Variants in PRKACB observed in about 807,000 individuals in gnomAD.
PRKACB encodes the protein protein kinase cAMP-activated catalytic subunit beta.
In PRKACB, 16 loss-of-function variants were observed where a neutral mutation model predicts 51.4. The ratio of observed to expected loss-of-function variants is 0.31; its 90% CI spans 0.21 to 0.47. PRKACB has a LOEUF of 0.47. Among genes scored for constraint, PRKACB ranks in the 20% least tolerant of loss-of-function variants. The pLI is 1.00. For synonymous variants in PRKACB, 147 were observed against 154.4 expected, an observed-to-expected ratio of 0.95 and a Z score of 0.35; for missense variants, 309 against 464.5, an observed-to-expected ratio of 0.67 and a Z score of 3.08.
chr1:84,166,823 T>G (rs531481273), intron 1 of PRKACB, among the ~76,000 whole-genome samples: 1 of 151,794 alleles, frequency 6.6e-6, no homozygotes, highest in Non-Finnish European at 1.5e-5. Flanking sequence ...TCTCTGAGAA[T>G]CTATCTTTTG....
intron 2 of PRKACB, among the ~76,000 whole-genome samples, chr1:84,180,046 CAAAAA>C (rs761445098): frequency 2.0e-5 from 1 of 51,034 alleles, no homozygotes; most frequent in Non-Finnish European, 4.4e-5. Context: ...ACATAAAGAC[CAAAAA>C]AAAAAAAAAA....
intron 1 of PRKACB, chr1:84,085,839 G>C: frequency 2.1e-6 from 1 of 478,730 alleles, no homozygotes; most frequent in Non-Finnish European, 3.9e-6. Context: ...GAGCCCTGCA[G>C]ACCCCACAGT....
intron 7 of PRKACB, among the ~76,000 whole-genome samples, chr1:84,200,476 T>G (rs1669790558): frequency 6.6e-6 from 1 of 152,226 alleles, no homozygotes; most frequent in African/African-American, 2.4e-5. Context: ...GTGCAGAATC[T>G]CTTCAGTTTA....
At chr1:84,092,564 A>G (rs1156358588) in intron 1 of PRKACB, among the ~76,000 whole-genome samples, 2 of 152,152 alleles carry the variant, frequency 1.3e-5, no homozygotes, top group African/African-American at 4.8e-5. Context: ...ATACATGCAT[A>G]TATACATGCA....
chr1:84,228,576 C>A (rs1308568479), intron 9 of PRKACB, among the ~76,000 whole-genome samples: 1 of 151,160 alleles, frequency 6.6e-6, no homozygotes, highest in East Asian at 1.9e-4. Flanking sequence ...CACATTTAAT[C>A]TTTATAGAAG....
At chr1:84,159,229 G>C (rs914630504) in intron 1 of PRKACB, among the ~76,000 whole-genome samples, 1 of 152,032 alleles carries the variant, frequency 6.6e-6, no homozygotes, top group African/African-American at 2.4e-5. Flanking sequence ...TTAACTTGTA[G>C]AGAATTGTTA....
chr1:84,150,167 A>G (rs965889848), intron 1 of PRKACB, among the ~76,000 whole-genome samples: 4 of 152,004 alleles, frequency 2.6e-5, no homozygotes, highest in Non-Finnish European at 5.9e-5. Context: ...AATCCCAGCT[A>G]CTTGGGAGGC....
intron 1 of PRKACB, among the ~76,000 whole-genome samples, chr1:84,162,193 C>A (rs1656278324): frequency 6.6e-6 from 1 of 152,010 alleles, no homozygotes; most frequent in African/African-American, 2.4e-5. Context: ...CGTGATTCAT[C>A]ATTTTTCTCT....
chr1:84,145,887 G>A (rs1278110902), intron 1 of PRKACB, among the ~76,000 whole-genome samples: 1 of 151,934 alleles, frequency 6.6e-6, no homozygotes, highest in Non-Finnish European at 1.5e-5. Flanking sequence ...TTAATTTAAA[G>A]TTAAATGAGG....
At chr1:84,098,455 C>G (rs1456809843) in intron 1 of PRKACB, among the ~76,000 whole-genome samples, 10 of 151,992 alleles carry the variant, frequency 6.6e-5, no homozygotes, top group Non-Finnish European at 1.5e-5. Flanking sequence ...GACCTATTAT[C>G]TTTGTCACAT....
intron 1 of PRKACB, among the ~76,000 whole-genome samples, chr1:84,113,719 A>G (rs1445485535): frequency 6.6e-6 from 1 of 152,304 alleles, no homozygotes; most frequent in East Asian, 1.9e-4. Context: ...CCGCAAAAAC[A>G]TGCTAATGAA....
chr1:84,088,221 C>G (rs976705102), intron 1 of PRKACB, among the ~76,000 whole-genome samples: 1 of 152,108 alleles, frequency 6.6e-6, no homozygotes, highest in Non-Finnish European at 1.5e-5. Flanking sequence ...GCTCTATGGC[C>G]ATAGTTTAAT....
At chr1:84,199,395 C>T (rs1669395698) in intron 7 of PRKACB, among the ~76,000 whole-genome samples, 1 of 152,044 alleles carries the variant, frequency 6.6e-6, no homozygotes, top group Admixed American at 6.6e-5. Flanking sequence ...CAAGTGAAAA[C>T]ATGTGGTATT....
intron 1 of PRKACB, among the ~76,000 whole-genome samples, chr1:84,123,430 A>C (rs61766954): frequency 0.03 from 4,511 of 152,256 alleles, 100 homozygotes; most frequent in Non-Finnish European, 0.04. Context: ...CACTTACTAG[A>C]GTTCTAAAAT....
At chr1:84,127,486 A>G (rs1651724759) in intron 1 of PRKACB, among the ~76,000 whole-genome samples, 1 of 152,250 alleles carries the variant, frequency 6.6e-6, no homozygotes, top group Non-Finnish European at 1.5e-5. Flanking sequence ...GAAAAGAAGT[A>G]TGAAGTTAAT....
At chr1:84,130,935 A>G (rs1232336277) in intron 1 of PRKACB, among the ~76,000 whole-genome samples, 1 of 152,238 alleles carries the variant, frequency 6.6e-6, no homozygotes, top group East Asian at 1.9e-4. Flanking sequence ...GTAGAAATAA[A>G]AAGTTAACAA....
chr1:84,153,317 C>A (rs1655062025), intron 1 of PRKACB, among the ~76,000 whole-genome samples: 1 of 152,054 alleles, frequency 6.6e-6, no homozygotes, highest in African/African-American at 2.4e-5. Flanking sequence ...ATGAAGTGAG[C>A]ACATGCTGTA....
At chr1:84,134,694 A>G (rs1408884122) in intron 1 of PRKACB, among the ~76,000 whole-genome samples, 1 of 152,238 alleles carries the variant, frequency 6.6e-6, no homozygotes, top group Non-Finnish European at 1.5e-5. Context: ...AATAAAGTCA[A>G]CAGTTAGAAA....
intron 1 of PRKACB, among the ~76,000 whole-genome samples, chr1:84,171,189 A>G (rs1270838415): frequency 6.6e-6 from 1 of 151,646 alleles, no homozygotes; most frequent in Non-Finnish European, 1.5e-5. Context: ...GTGGATATAG[A>G]GTTAAATTTT....
Sources: gnomAD v4.1 joint callset for allele counts (sites outside exome capture counted in the v4.1 genomes callset) on GRCh38, gnomAD v4.1.1 for gene constraint, MANE v1.5 for transcripts, NCBI Gene and HGNC (gene_info 2026-07-23, HGNC 2026-07-21) for gene names.